The following ROCK2 variants were observed in gnomAD, a reference collection of about 807,000 sequenced individuals.
ROCK2 encodes rho-associated protein kinase 2.
ROCK2 carries 61 observed loss-of-function variants against 195.1 expected under a neutral mutation model. The observed-to-expected ratio is 0.31, with a 90% CI of 0.25 to 0.39. The LOEUF (loss-of-function observed/expected upper bound fraction) is 0.39, where lower values mean the gene tolerates loss of function less well. Ranked by LOEUF, ROCK2 falls within the 10% of genes least tolerant of loss-of-function variation. The pLI is 1.00. For synonymous variants in ROCK2, 504 were observed against 545.5 expected, an observed-to-expected ratio of 0.92 and a Z score of 1.06; for missense variants, 1,109 against 1,637.4, an observed-to-expected ratio of 0.68 and a Z score of 5.57.
chr2:11,267,013 C>T (rs1260556488), intron 3 of ROCK2, among the ~76,000 whole-genome samples: 1 of 152,074 alleles, frequency 6.6e-6, no homozygotes, highest in African/African-American at 2.4e-5. Context: ...TTTCCTTTAA[C>T]AGATTAAATT....
intron 1 of ROCK2, among the ~76,000 whole-genome samples, chr2:11,334,448 T>C (rs1448997910): frequency 3.4e-5 from 5 of 147,298 alleles, no homozygotes; most frequent in African/African-American, 7.6e-5. Flanking sequence ...GAGGCAGAGA[T>C]TGCGGTGAGC....
chr2:11,327,570 AG>A lies in ROCK2; in HGVS notation c.141+16425del, dbSNP rs34657072. On this transcript the variant is annotated intron_variant, in intron 1 of 32. Coordinates refer to ENST00000315872, the MANE Select transcript of ROCK2 (RefSeq NM_004850.5). ...TTCAATGAGAAAGAGAACATGGCCAAGAAAGAGGCAGAGGGGGAGTCTCATT... is the reference window on the plus strand; with the variant it reads ...TTCAATGAGAAAGAGAACATGGCCAAAAAGAGGCAGAGGGGGAGTCTCATT... Among the ~76,000 whole-genome samples the A allele has an allele frequency of 6.1e-3, 935 of 152,262 alleles. 12 individuals carry two copies. The highest frequency in any genetic ancestry group is 0.022 in the African/African-American group (904 of 41,552).
intron 17 of ROCK2, among the ~76,000 whole-genome samples, chr2:11,213,349 C>T (rs372354355): frequency 8.5e-5 from 13 of 152,214 alleles, no homozygotes; most frequent in South Asian, 8.3e-4. Context: ...ATAGAGTATT[C>T]GCTATCTTGC....
intron 3 of ROCK2, among the ~76,000 whole-genome samples, chr2:11,266,829 T>A (rs1666431664): frequency 6.6e-6 from 1 of 152,210 alleles, no homozygotes; most frequent in Admixed American, 6.5e-5. Flanking sequence ...AAACATGCTA[T>A]AAACTCTTGG....
Position 11,344,169 on chromosome 2 carries a change from C to G in ROCK2, c.-33G>C. ...CCGCTGGACCCGCACTCAGGCTCCT[C>G]GCGCTCAGGTCCCGCAGCCTCGGGG... On this transcript the variant is annotated 5_prime_UTR_variant, in exon 1 of 33. Coordinates refer to ENST00000315872, the MANE Select transcript of ROCK2 (RefSeq NM_004850.5). The surrounding 1 kb of genome is among the most constrained non-coding windows in gnomAD (Gnocchi z 5.4). The G allele has an allele frequency of 7.2e-7, 1 of 1,394,660 alleles. No individual in the cohort carries two copies. Among genetic ancestry groups the G allele is most frequent in the Non-Finnish European group, 9.3e-7 (1 of 1,078,528 alleles). 86.4% of individuals were successfully genotyped at this position (1,394,660 alleles called of 1,614,324 possible).
intron 3 of ROCK2, among the ~76,000 whole-genome samples, chr2:11,250,604 C>T (rs1050064922): frequency 2.0e-5 from 3 of 152,234 alleles, no homozygotes; most frequent in African/African-American, 7.2e-5. Context: ...ATTCCTCCCA[C>T]AGTTATTCCC....
At chr2:11,297,969 T>G (rs1456269126) in intron 1 of ROCK2, among the ~76,000 whole-genome samples, 2 of 151,918 alleles carry the variant, frequency 1.3e-5, no homozygotes, top group Non-Finnish European at 2.9e-5. Context: ...AAAACATAGG[T>G]GGGGTGGTGA....
chr2:11,248,708 C>CACA (rs1665713759), intron 4 of ROCK2, among the ~76,000 whole-genome samples: 1 of 45,412 alleles, frequency 2.2e-5, no homozygotes, highest in African/African-American at 1.4e-4. Flanking sequence ...GACTTCATCT[C>CACA]AAAAAAAAAA....
chr2:11,270,200 G>C (rs977517581), intron 3 of ROCK2, among the ~76,000 whole-genome samples: 2 of 152,082 alleles, frequency 1.3e-5, no homozygotes, highest in Admixed American at 1.3e-4. Context: ...CATGGTTTCT[G>C]AGGAGAAGTC....
chr2:11,266,067 C>T (rs1039074992), intron 3 of ROCK2, among the ~76,000 whole-genome samples: 1 of 152,178 alleles, frequency 6.6e-6, no homozygotes, highest in Non-Finnish European at 1.5e-5. Context: ...TACAGAGGGT[C>T]AGGATCATAA....
At chr2:11,304,007 G>A (rs1006456510) in intron 1 of ROCK2, among the ~76,000 whole-genome samples, 3 of 151,904 alleles carry the variant, frequency 2.0e-5, no homozygotes, top group African/African-American at 4.8e-5. Flanking sequence ...CATTTAAATC[G>A]TTTATCACAT....
intron 18 of ROCK2, among the ~76,000 whole-genome samples, chr2:11,208,681 T>G (rs1361251827): frequency 1.3e-5 from 2 of 149,996 alleles, no homozygotes; most frequent in Non-Finnish European, 3.0e-5. Context: ...CTTTGTAACC[T>G]CCTGGATTCA....
chr2:11,299,296 A>G (rs1172799469), intron 1 of ROCK2, among the ~76,000 whole-genome samples: 1 of 151,876 alleles, frequency 6.6e-6, no homozygotes, highest in Non-Finnish European at 1.5e-5. Context: ...AAATCACTGG[A>G]AATACCCCAA....
At chr2:11,264,043 A>G (rs1020687079) in intron 3 of ROCK2, among the ~76,000 whole-genome samples, 3 of 152,074 alleles carry the variant, frequency 2.0e-5, no homozygotes, top group African/African-American at 7.2e-5. Context: ...ATAAACCAGG[A>G]ATGGGGATAG....
chr2:11,218,092 T>C (rs1664495435), intron 11 of ROCK2: 1 of 172,716 alleles, frequency 5.8e-6, no homozygotes, highest in African/African-American at 2.4e-5. Context: ...ACTGCATCTA[T>C]CTTAAGCAAA....
intron 1 of ROCK2, among the ~76,000 whole-genome samples, chr2:11,325,675 G>C (rs188381392): frequency 6.6e-5 from 10 of 152,304 alleles, no homozygotes; most frequent in South Asian, 2.1e-4. Context: ...TTCTCTGAAT[G>C]AATGGGAAAT....
chr2:11,241,961 C>T (rs774196421), intron 4 of ROCK2, among the ~76,000 whole-genome samples: 2 of 152,150 alleles, frequency 1.3e-5, no homozygotes, highest in African/African-American at 2.4e-5. Flanking sequence ...AATGGGTTTA[C>T]TGCCCTTGTA....
At chr2:11,256,779 A>C (rs1157675824) in intron 3 of ROCK2, among the ~76,000 whole-genome samples, 1 of 151,346 alleles carries the variant, frequency 6.6e-6, no homozygotes, top group Admixed American at 6.6e-5. Context: ...CGGAGGCATA[A>C]CCATTCTAAT....
At chr2:11,185,641 G>A (rs1663167224) in intron 32 of ROCK2, among the ~76,000 whole-genome samples, 1 of 152,108 alleles carries the variant, frequency 6.6e-6, no homozygotes, top group Non-Finnish European at 1.5e-5. Context: ...AGGCAGGAGA[G>A]TCACTTGAAT....
Sources: gnomAD v4.1 joint callset for allele counts (sites outside exome capture counted in the v4.1 genomes callset) on GRCh38, gnomAD v4.1.1 for gene constraint, Gnocchi (gnomAD v3.1) non-coding constraint, MANE v1.5 for transcripts, NCBI Gene and HGNC (gene_info 2026-07-23, HGNC 2026-07-21) for gene names.